Variants in CAMK1D observed in about 807,000 individuals in gnomAD.
CAMK1D encodes calcium/calmodulin-dependent protein kinase type 1D.
CAMK1D carries 9 observed loss-of-function variants against 47.7 expected under a neutral mutation model. The observed-to-expected ratio is 0.19, with a 90% CI of 0.11 to 0.33. CAMK1D has a LOEUF of 0.33. CAMK1D is among the 10% of genes least tolerant of loss of function. The pLI, the probability that CAMK1D is intolerant of heterozygous loss-of-function variation, is 1.00. For missense variants in CAMK1D, 291 were observed against 488.7 expected, an observed-to-expected ratio of 0.60 and a Z score of 3.81; for synonymous variants, 184 against 184.9, an observed-to-expected ratio of 0.99 and a Z score of 0.04.
At chr10:12,551,515 G>A (rs1272742053) in intron 1 of CAMK1D, among the ~76,000 whole-genome samples, 1 of 152,184 alleles carries the variant, frequency 6.6e-6, no homozygotes, top group Non-Finnish European at 1.5e-5. Flanking sequence ...AGCACTTTGG[G>A]AGGTCGAGGC....
chr10:12,693,806 T>C (rs1833030308), intron 3 of CAMK1D, among the ~76,000 whole-genome samples: 1 of 145,416 alleles, frequency 6.9e-6, no homozygotes, highest in Admixed American at 7.4e-5. Flanking sequence ...TCACTTGAGC[T>C]CAGGAATTGG....
chr10:12,532,174 T>A (rs1486957457), intron 1 of CAMK1D, among the ~76,000 whole-genome samples: 2 of 152,220 alleles, frequency 1.3e-5, no homozygotes, highest in African/African-American at 4.8e-5. Context: ...TTGGAAACTA[T>A]AATTTACAAT....
At chr10:12,746,883 A>G (rs1835706758) in intron 3 of CAMK1D, among the ~76,000 whole-genome samples, 1 of 152,256 alleles carries the variant, frequency 6.6e-6, no homozygotes, top group Non-Finnish European at 1.5e-5. Flanking sequence ...TTCTGATACT[A>G]CAATAGATGC....
chr10:12,526,211 G>A (rs367910896), intron 1 of CAMK1D, among the ~76,000 whole-genome samples: 2 of 152,224 alleles, frequency 1.3e-5, no homozygotes, highest in African/African-American at 4.8e-5. Flanking sequence ...TGTCTTTTGT[G>A]AGTAGTGGTA....
intron 2 of CAMK1D, among the ~76,000 whole-genome samples, chr10:12,557,839 G>T (rs566296685): frequency 3.9e-5 from 6 of 152,256 alleles, no homozygotes; most frequent in Admixed American, 3.9e-4. Flanking sequence ...AAGACTGCCT[G>T]CCCCCCTTTA....
In CAMK1D at chr10:12,829,256, C is replaced by T. The variant is rs1302367440; in HGVS notation, c.*369C>T. ...AATGACAAAAAAAAAAAGGTTTCAA[C>T]TGGATTATTTAAATATTGGTAAATA... On this transcript the variant is annotated 3_prime_UTR_variant, in exon 11 of 11. Transcript: ENST00000619168. 6.0e-6 allele frequency: 1 copy of T among 167,924 alleles called. No homozygotes were observed. Among genetic ancestry groups the T allele is most frequent in the Non-Finnish European group, 1.3e-5 (1 of 78,750 alleles). 10.4% of individuals were successfully genotyped at this position (167,924 alleles called of 1,614,324 possible).
chr10:12,515,569 T>G (rs925385773), intron 1 of CAMK1D, among the ~76,000 whole-genome samples: 1 of 27,390 alleles, frequency 3.7e-5, no homozygotes, highest in Non-Finnish European at 6.6e-5. Context: ...CCCTCCCCCC[T>G]CCCCCGACCC....
Position 12,544,981 on chromosome 10 carries a change from G to C in CAMK1D, c.93-8244G>C, listed in dbSNP as rs1229814246. Among the ~76,000 whole-genome samples, 4 of 152,200 alleles carry C rather than the reference G, an allele frequency of 2.6e-5. No individual in the cohort carries two copies. In the East Asian group the frequency reaches 7.7e-4, roughly 29 times the overall value. Reference sequence around the variant, plus strand: ...AGCACAGGAGAAGGGTGAAGAGCCTGATGGGGAATCAGAGGAGAGCCCCCA... The same window carrying C: ...AGCACAGGAGAAGGGTGAAGAGCCTCATGGGGAATCAGAGGAGAGCCCCCA... On this transcript the variant is annotated intron_variant, in intron 1 of 10. Transcript: ENST00000619168.
At chr10:12,510,606 C>T (rs1835012317) in intron 1 of CAMK1D, among the ~76,000 whole-genome samples, 1 of 152,194 alleles carries the variant, frequency 6.6e-6, no homozygotes, top group Non-Finnish European at 1.5e-5. Context: ...AGACTCTTTG[C>T]CAAGGGAACT....
chr10:12,807,865 C>T (rs1472277251), intron 6 of CAMK1D, among the ~76,000 whole-genome samples: 2 of 152,204 alleles, frequency 1.3e-5, no homozygotes, highest in Non-Finnish European at 2.9e-5. Context: ...GACTCAAACC[C>T]GCCACATCTC....
intron 3 of CAMK1D, among the ~76,000 whole-genome samples, chr10:12,734,410 ACACACACACAT>A (rs1835063523): frequency 1.7e-5 from 1 of 57,776 alleles, no homozygotes; most frequent in Admixed American, 2.2e-4. Context: ...ATATATACAC[ACACACACACAT>A]GTATATATAT....
intron 6 of CAMK1D, among the ~76,000 whole-genome samples, chr10:12,795,675 C>A (rs963086806): frequency 4.6e-5 from 7 of 152,236 alleles, no homozygotes; most frequent in Non-Finnish European, 7.3e-5. Flanking sequence ...CTCTTGCACG[C>A]CATATAAACA....
intron 1 of CAMK1D, among the ~76,000 whole-genome samples, chr10:12,436,960 CA>C (rs571736325): frequency 1.1e-3 from 160 of 152,170 alleles, no homozygotes; most frequent in African/African-American, 3.7e-3. Context: ...GGAGAGGCAC[CA>C]GGGGCAGGGC....
At chr10:12,520,899 G>A (rs1386508909) in intron 1 of CAMK1D, among the ~76,000 whole-genome samples, 1 of 29,188 alleles carries the variant, frequency 3.4e-5, no homozygotes, top group African/African-American at 1.2e-4. Context: ...GCTTTGGCTC[G>A]GCATCAGAGG....
At chr10:12,650,705 G>A (rs1165698572) in intron 2 of CAMK1D, among the ~76,000 whole-genome samples, 2 of 152,214 alleles carry the variant, frequency 1.3e-5, no homozygotes, top group African/African-American at 4.8e-5. Context: ...CGCAGCTGGA[G>A]CATCCTTGTG....
At position 12,703,800 on chromosome 10, in the gene CAMK1D, C is replaced by T. The variant is rs190146392; in HGVS notation, c.299+36990C>T. Among the ~76,000 whole-genome samples the T allele has an allele frequency of 5.1e-3, 755 of 149,448 alleles. 5 individuals carry two copies. The highest frequency in any genetic ancestry group is 0.011 in the Admixed American group (168 of 14,834). On this transcript the variant is annotated intron_variant, in intron 3 of 10. Transcript: ENST00000619168. ...AGGAGAACTGCTTAAACCTGGGAGG[C>T]GGAGGTTGCAGTGAGCCGAGATCAC...
At chr10:12,598,696 TG>T in intron 2 of CAMK1D, among the ~76,000 whole-genome samples, 1 of 152,346 alleles carries the variant, frequency 6.6e-6, no homozygotes, top group East Asian at 1.9e-4. Context: ...GGCTCTGTAC[TG>T]GTGGGTTTCT....
At chr10:12,596,109 A>G (rs11257912) in intron 2 of CAMK1D, among the ~76,000 whole-genome samples, 68,681 of 151,866 alleles carry the variant, frequency 0.45, 16,047 homozygotes, top group East Asian at 0.64. Flanking sequence ...GCCCAGGAAG[A>G]CCCAAGAAGG....
At chr10:12,493,065 T>C (rs543723793) in intron 1 of CAMK1D, among the ~76,000 whole-genome samples, 1 of 152,306 alleles carries the variant, frequency 6.6e-6, no homozygotes, top group Admixed American at 6.5e-5. Flanking sequence ...TCTGTACTCT[T>C]GTTGATAACA....
Sources: allele counts gnomAD v4.1 joint callset (sites outside exome capture counted in the v4.1 genomes callset), GRCh38; gene constraint gnomAD v4.1.1; transcripts MANE v1.5; gene names NCBI Gene and HGNC (gene_info 2026-07-23, HGNC 2026-07-21).